Variants in PCDH15 observed in about 807,000 individuals in gnomAD.
PCDH15 encodes protocadherin related 15.
Under a neutral mutation model 178.5 loss-of-function variants are expected in PCDH15, and 129 were observed. The observed-to-expected ratio is 0.72, with a 90% CI of 0.63 to 0.84. The LOEUF (loss-of-function observed/expected upper bound fraction) is 0.84. Ranked by LOEUF, PCDH15 falls within the 40% of genes least tolerant of loss-of-function variation. PCDH15 has a pLI of 0.00. For synonymous variants in PCDH15, 800 were observed against 732.0 expected (o/e 1.09, Z -1.50); for missense variants, 2,230 against 2,099.9 (o/e 1.06, Z -1.21).
chr10:55,016,190 G>T, intron 2 of PCDH15, among the ~76,000 whole-genome samples: 1 of 150,450 alleles, frequency 6.6e-6, no homozygotes, highest in Non-Finnish European at 1.5e-5. Flanking sequence ...CATACAATGC[G>T]TAATAATCAC....
At chr10:55,060,031 C>T (rs1028698822) in intron 2 of PCDH15, among the ~76,000 whole-genome samples, 10 of 151,780 alleles carry the variant, frequency 6.6e-5, no homozygotes, top group African/African-American at 2.4e-4. Flanking sequence ...TTCCTGATTA[C>T]ATATTCCCAC....
chr10:55,343,804 A>G (rs530410218), intron 2 of PCDH15, among the ~76,000 whole-genome samples: 29 of 152,304 alleles, frequency 1.9e-4, no homozygotes, highest in Admixed American at 1.7e-3. Context: ...TATTGAACAC[A>G]TATTACGTGC....
chr10:55,452,825 A>T (rs1233908554), intron 2 of PCDH15, among the ~76,000 whole-genome samples: 3 of 152,174 alleles, frequency 2.0e-5, no homozygotes, highest in African/African-American at 7.2e-5. Context: ...AGTCAAAAAC[A>T]TTCAGAATAA....
chr10:54,130,724 A>G (rs1199470613), intron 15 of PCDH15, among the ~76,000 whole-genome samples: 12 of 152,218 alleles, frequency 7.9e-5, no homozygotes, highest in African/African-American at 2.7e-4. Context: ...CTTCAAAACT[A>G]TATTTCCCCT....
intron 2 of PCDH15, among the ~76,000 whole-genome samples, chr10:55,040,469 T>C (rs1156971036): frequency 6.8e-6 from 1 of 148,020 alleles, no homozygotes; most frequent in East Asian, 2.0e-4. Context: ...CTAGATAACA[T>C]GAATCAAAAA....
At chr10:55,499,438 C>G (rs1840606121) in intron 2 of PCDH15, among the ~76,000 whole-genome samples, 1 of 149,468 alleles carries the variant, frequency 6.7e-6, no homozygotes, top group Non-Finnish European at 1.5e-5. Context: ...CACACACACA[C>G]ACACACACAC....
At chr10:54,036,004 T>C (rs1300581620) in intron 18 of PCDH15, among the ~76,000 whole-genome samples, 1 of 151,928 alleles carries the variant, frequency 6.6e-6, no homozygotes. Context: ...AAGCCTAATC[T>C]GGAGCAAGAC....
At chr10:54,167,862 TCTGTGCC>T (rs2046416387) in intron 13 of PCDH15, among the ~76,000 whole-genome samples, 1 of 151,006 alleles carries the variant, frequency 6.6e-6, no homozygotes, top group African/African-American at 2.4e-5. Context: ...ACCCCTTATT[TCTGTGCC>T]CCATCCCTTA....
chr10:55,275,625 A>G (rs12412156), intron 1 of PCDH15, among the ~76,000 whole-genome samples: 19,650 of 150,262 alleles, frequency 0.13, 2,344 homozygotes, highest in African/African-American at 0.32. Flanking sequence ...GAACTTTTTA[A>G]TTTATCTATA....
intron 8 of PCDH15, among the ~76,000 whole-genome samples, chr10:54,304,969 T>G (rs749240345): frequency 2.6e-5 from 4 of 152,078 alleles, no homozygotes; most frequent in Non-Finnish European, 5.9e-5. Context: ...AGAGCTATTA[T>G]AGTTGAGTAG....
intron 2 of PCDH15, among the ~76,000 whole-genome samples, chr10:55,090,909 T>A (rs933998531): frequency 1.2e-4 from 13 of 111,760 alleles, no homozygotes; most frequent in African/African-American, 8.7e-4. Flanking sequence ...AAATGTACTA[T>A]TTCTTTTTTT....
intron 2 of PCDH15, among the ~76,000 whole-genome samples, chr10:54,580,845 C>G (rs967236907): frequency 6.6e-5 from 10 of 151,932 alleles, no homozygotes; most frequent in African/African-American, 2.4e-4. Context: ...AAACAAAAAC[C>G]ATGTAATTAT....
chr10:55,288,768 C>T (rs980193758), intron 1 of PCDH15, among the ~76,000 whole-genome samples: 1 of 151,602 alleles, frequency 6.6e-6, no homozygotes, highest in Non-Finnish European at 1.5e-5. Context: ...TTTCTTTATC[C>T]GTTTATGTGG....
intron 1 of PCDH15, among the ~76,000 whole-genome samples, chr10:54,706,609 G>A (rs1211045467): frequency 6.6e-6 from 1 of 152,026 alleles, no homozygotes; most frequent in Non-Finnish European, 1.5e-5. Flanking sequence ...CAGGAAATGG[G>A]GGCGAGGAAG....
intron 3 of PCDH15, among the ~76,000 whole-genome samples, chr10:54,832,910 T>C (rs1953249652): frequency 6.6e-6 from 1 of 152,178 alleles, no homozygotes; most frequent in African/African-American, 2.4e-5. Flanking sequence ...CTAGATTTTA[T>C]GTAACATTTT....
At chr10:55,353,638 T>C (rs980519860) in intron 2 of PCDH15, among the ~76,000 whole-genome samples, 5 of 152,212 alleles carry the variant, frequency 3.3e-5, no homozygotes, top group Middle Eastern at 3.4e-3. Flanking sequence ...GCTATAGCAC[T>C]GAGTCCTGTG....
chr10:54,462,071 T>C (rs1434708425), intron 3 of PCDH15, among the ~76,000 whole-genome samples: 1 of 152,028 alleles, frequency 6.6e-6, no homozygotes, highest in African/African-American at 2.4e-5. Flanking sequence ...AAAAATAATC[T>C]TCACTGGTTA....
At chr10:54,866,424 T>A (rs1442243259) in intron 3 of PCDH15, among the ~76,000 whole-genome samples, 1 of 152,154 alleles carries the variant, frequency 6.6e-6, no homozygotes, top group African/African-American at 2.4e-5. Flanking sequence ...ATGTCTCTTT[T>A]TCCTTGGATT....
intron 2 of PCDH15, among the ~76,000 whole-genome samples, chr10:55,041,432 C>T (rs1019278961): frequency 1.3e-5 from 2 of 152,058 alleles, no homozygotes; most frequent in African/African-American, 4.8e-5. Context: ...ACTCCAAATA[C>T]AACTGAAATT....
Sources: gnomAD v4.1 joint callset for allele counts (sites outside exome capture counted in the v4.1 genomes callset) on GRCh38, gnomAD v4.1.1 for gene constraint, MANE v1.5 for transcripts, NCBI Gene and HGNC (gene_info 2026-07-23, HGNC 2026-07-21) for gene names.